The following CPA6 variants were observed in gnomAD, a reference collection of about 807,000 sequenced individuals.
CPA6 encodes carboxypeptidase A6, also known as carboxypeptidase B.
Under a neutral mutation model 63.3 loss-of-function variants are expected in CPA6, and 58 were observed. That is an observed-to-expected ratio of 0.92 (90% CI 0.74 to 1.14). CPA6 has a LOEUF of 1.14. Ranked by LOEUF, CPA6 falls within the 50% of genes most tolerant of loss-of-function variation. CPA6 has a pLI of 0.00. For missense variants in CPA6, 565 were observed against 526.6 expected, an observed-to-expected ratio of 1.07 and a Z score of -0.71; for synonymous variants, 185 against 179.0, an observed-to-expected ratio of 1.03 and a Z score of -0.27.
At position 67,606,619 on chromosome 8, in the gene CPA6, G is replaced by T. The variant is rs192575784; in HGVS notation, c.192+17557C>A. ...CTTTTGGAACAGGAGGAATGCAGAG[G>T]TGTGCGATCACAGACTCAGGTCATG... On this transcript the variant is annotated intron_variant, in intron 2 of 10. Coordinates refer to ENST00000297770, the MANE Select transcript of CPA6 (RefSeq NM_020361.5). 1.9e-3 allele frequency among the ~76,000 whole-genome samples: 282 copies of T among 152,302 alleles called. 1 individual carries two copies. Among genetic ancestry groups the T allele is most frequent in the African/African-American group, 6.5e-3 (269 of 41,570 alleles).
At chr8:67,736,317 C>T (rs572554755) in intron 1 of CPA6, among the ~76,000 whole-genome samples, 2 of 152,318 alleles carry the variant, frequency 1.3e-5, no homozygotes, top group African/African-American at 4.8e-5. Flanking sequence ...CCCTCACCCC[C>T]ACTTCATGGA....
intron 1 of CPA6, among the ~76,000 whole-genome samples, chr8:67,718,006 G>C (rs1817415240): frequency 6.6e-6 from 1 of 152,114 alleles, no homozygotes; most frequent in South Asian, 2.1e-4. Flanking sequence ...CACCTTTGGG[G>C]CTGAGTCTAT....
intron 2 of CPA6, among the ~76,000 whole-genome samples, chr8:67,620,594 T>C (rs1393356900): frequency 6.6e-6 from 1 of 152,242 alleles, no homozygotes; most frequent in Admixed American, 6.5e-5. Flanking sequence ...GGCTGGAAGA[T>C]GACACACGGT....
chr8:67,584,583 T>A (rs1813874576), intron 2 of CPA6, among the ~76,000 whole-genome samples: 1 of 152,120 alleles, frequency 6.6e-6, no homozygotes, highest in African/African-American at 2.4e-5. Context: ...AGACATAATG[T>A]AAGGGTTTGG....
At chr8:67,422,878 C>T (rs1428120999) in intron 10 of CPA6, among the ~76,000 whole-genome samples, 187 bp from the exon 11 acceptor site, 7 of 152,148 alleles carry the variant, frequency 4.6e-5, no homozygotes, top group African/African-American at 1.2e-4. Context: ...TAAATCATCC[C>T]TTCAACCATC....
chr8:67,538,748 C>T (rs1812642945), intron 2 of CPA6, among the ~76,000 whole-genome samples: 1 of 151,404 alleles, frequency 6.6e-6, no homozygotes, highest in East Asian at 2.0e-4. Context: ...CAAGCACCGC[C>T]TCTCAGGTTC....
chr8:67,538,902 G>A (rs948000883), intron 2 of CPA6, among the ~76,000 whole-genome samples: 4 of 152,042 alleles, frequency 2.6e-5, no homozygotes, highest in African/African-American at 9.7e-5. Flanking sequence ...CTCATGATCT[G>A]CCTGCCTTGG....
chr8:67,507,851 C>T (rs942541703), intron 5 of CPA6, among the ~76,000 whole-genome samples: 3 of 152,084 alleles, frequency 2.0e-5, no homozygotes, highest in African/African-American at 4.8e-5. Flanking sequence ...GGAGGAAGGC[C>T]TCTCAATCCT....
At chr8:67,444,707 C>T (rs917876174) in intron 8 of CPA6, among the ~76,000 whole-genome samples, 17 of 149,476 alleles carry the variant, frequency 1.1e-4, no homozygotes, top group Middle Eastern at 3.4e-3. Flanking sequence ...CACTTGAACC[C>T]GGGAGACGGA....
rs542622442 is a variant in CPA6, at chr8:67,551,370, C to A, written c.193-33323G>T. Among the ~76,000 whole-genome samples, 6 of 152,234 alleles carry A rather than the reference C, an allele frequency of 3.9e-5. No individual in the cohort carries two copies. The East Asian group carries it at 1.2e-3, about 29-fold the overall frequency. ...TATTTCTTGGCTCTCTATTGTATTC[C>A]ATTGGTCTATGTGTCTCTTTTGTAC... On this transcript the variant is annotated intron_variant, in intron 2 of 10. Coordinates refer to ENST00000297770, the MANE Select transcript of CPA6 (RefSeq NM_020361.5).
chr8:67,624,357 C>T (rs1398219691), intron 1 of CPA6, 106 bp from the exon 2 acceptor site: 3 of 576,780 alleles, frequency 5.2e-6, no homozygotes, highest in African/African-American at 3.8e-5. Context: ...AGAAGAAAAA[C>T]AGTGAAACTT....
At chr8:67,647,269 T>C (rs537456937) in intron 1 of CPA6, among the ~76,000 whole-genome samples, 2 of 152,178 alleles carry the variant, frequency 1.3e-5, no homozygotes, top group East Asian at 3.9e-4. Flanking sequence ...TGACAGCAAA[T>C]ATCAAGCTCC....
chr8:67,487,771 C>T (rs895360291), intron 6 of CPA6, among the ~76,000 whole-genome samples: 10 of 152,226 alleles, frequency 6.6e-5, no homozygotes, highest in Admixed American at 3.3e-4. Flanking sequence ...GAGATGATAT[C>T]TCACTGTGGT....
intron 2 of CPA6, among the ~76,000 whole-genome samples, chr8:67,568,752 ATTAC>A (rs1805580987): frequency 6.6e-6 from 1 of 151,992 alleles, no homozygotes; most frequent in Admixed American, 6.5e-5. Flanking sequence ...GTTTTTTTTT[ATTAC>A]TTATTTATTT....
In CPA6 at chr8:67,626,867, CTT is replaced by C. The variant is rs200573210; in HGVS notation, c.117-2618_117-2617del. On this transcript the variant is annotated intron_variant, in intron 1 of 10. Coordinates refer to ENST00000297770, the MANE Select transcript of CPA6 (RefSeq NM_020361.5). Reference sequence around the variant, plus strand: ...AGCTGTTTTACAGCCATGAGAATAACTTTTTTTTTTTTTTTTAAAGATGGATA... The same window carrying C: ...AGCTGTTTTACAGCCATGAGAATAACTTTTTTTTTTTTTTAAAGATGGATA... Among the ~76,000 whole-genome samples, 52 of 142,016 alleles carry C rather than the reference CTT, an allele frequency of 3.7e-4. 1 individual carries two copies. Among genetic ancestry groups the C allele is most frequent in the African/African-American group, 8.7e-4 (34 of 39,022 alleles). The allele number at this position is 142,016 out of a possible 152,430, so 93.2% of individuals were successfully genotyped here.
chr8:67,475,738 TC>T (rs1383863185), intron 8 of CPA6, among the ~76,000 whole-genome samples: 1 of 151,670 alleles, frequency 6.6e-6, no homozygotes, highest in African/African-American at 2.4e-5. Flanking sequence ...TTTTTTTCTT[TC>T]TTTCCTTCTT....
chr8:67,423,481 C>T (rs556485772), intron 10 of CPA6, among the ~76,000 whole-genome samples: 8 of 152,304 alleles, frequency 5.3e-5, no homozygotes, highest in East Asian at 3.9e-4. Context: ...CAGATTCCTC[C>T]GTTTTCTGGT....
intron 6 of CPA6, among the ~76,000 whole-genome samples, chr8:67,489,922 C>T (rs1407969345): frequency 1.3e-5 from 2 of 152,048 alleles, no homozygotes; most frequent in South Asian, 2.1e-4. Context: ...CTCTAGTATT[C>T]TATTCTGGAA....
intron 8 of CPA6, among the ~76,000 whole-genome samples, chr8:67,461,006 C>T (rs556175577): frequency 2.0e-5 from 3 of 150,590 alleles, no homozygotes; most frequent in African/African-American, 7.4e-5. Context: ...GGCTAGTGAG[C>T]GGAGGCGTGA....
Sources: allele counts gnomAD v4.1 joint callset (sites outside exome capture counted in the v4.1 genomes callset), GRCh38; gene constraint gnomAD v4.1.1; transcripts MANE v1.5; gene names NCBI Gene and HGNC (gene_info 2026-07-23, HGNC 2026-07-21).